SLC24A2: variants seen among roughly 807,000 people sequenced by gnomAD.
SLC24A2 encodes the protein sodium/potassium/calcium exchanger 2.
In SLC24A2, 36 loss-of-function variants were observed where a neutral mutation model predicts 62.0. The observed-to-expected ratio is 0.58, with a 90% CI of 0.44 to 0.77. The LOEUF (loss-of-function observed/expected upper bound fraction) is 0.77, where lower values mean the gene tolerates loss of function less well. Among genes scored for constraint, SLC24A2 ranks in the 30% least tolerant of loss-of-function variants. SLC24A2 has a pLI of 0.00. For synonymous variants in SLC24A2, 358 were observed against 294.0 expected (o/e 1.22, Z -2.23); for missense variants, 846 against 817.9 (o/e 1.03, Z -0.42).
the SLC24A2 span, among the ~76,000 whole-genome samples, chr9:20,190,535 A>G: frequency 2.0e-5 from 3 of 152,170 alleles, no homozygotes; most frequent in Non-Finnish European, 4.4e-5. Context: ...ATTTATACTC[A>G]TAACTCTCTG....
chr9:20,138,200 A>C, the SLC24A2 span, among the ~76,000 whole-genome samples: 1 of 152,320 alleles, frequency 6.6e-6, no homozygotes, highest in South Asian at 2.1e-4. Flanking sequence ...GGCTGGTAAA[A>C]CTAGGCTTCA....
intron 2 of SLC24A2, among the ~76,000 whole-genome samples, chr9:19,637,135 T>C (rs1035963065): frequency 6.6e-6 from 1 of 152,156 alleles, no homozygotes; most frequent in African/African-American, 2.4e-5. Context: ...GCCCATCCAG[T>C]TGACAGCCTG....
chr9:19,743,421 C>T (rs189147307), intron 2 of SLC24A2, among the ~76,000 whole-genome samples: 3 of 152,178 alleles, frequency 2.0e-5, no homozygotes, highest in Admixed American at 6.6e-5. Flanking sequence ...GATAATTTAC[C>T]GTACTATAAG....
At chr9:19,758,750 T>A (rs1203255681) in intron 2 of SLC24A2, among the ~76,000 whole-genome samples, 1 of 152,128 alleles carries the variant, frequency 6.6e-6, no homozygotes, top group Non-Finnish European at 1.5e-5. Flanking sequence ...TAAAGGAAGG[T>A]AATTCCTTTT....
chr9:19,880,073 AT>A, the SLC24A2 span, among the ~76,000 whole-genome samples: 1 of 152,134 alleles, frequency 6.6e-6, no homozygotes, highest in African/African-American at 2.4e-5. Context: ...GTTTTGATTT[AT>A]TTTTTCCACT....
chr9:20,298,765 T>C, the SLC24A2 span, among the ~76,000 whole-genome samples: 1 of 152,256 alleles, frequency 6.6e-6, no homozygotes, highest in Non-Finnish European at 1.5e-5. Flanking sequence ...ACTATCTTCA[T>C]TTTAGAAATG....
intron 2 of SLC24A2, among the ~76,000 whole-genome samples, chr9:19,649,639 G>A (rs1329141752): frequency 6.6e-6 from 1 of 152,186 alleles, no homozygotes; most frequent in Non-Finnish European, 1.5e-5. Context: ...TTGGTCACCA[G>A]TACTAGCATG....
chr9:20,235,005 C>T, the SLC24A2 span, among the ~76,000 whole-genome samples: 2 of 152,212 alleles, frequency 1.3e-5, no homozygotes, highest in Non-Finnish European at 2.9e-5. Context: ...AGACCCTGTT[C>T]ACCTGGGTAT....
the SLC24A2 span, among the ~76,000 whole-genome samples, chr9:19,875,019 C>CT: frequency 8.0e-6 from 1 of 125,064 alleles, no homozygotes; most frequent in East Asian, 2.2e-4. Flanking sequence ...AAAAAAAAAG[C>CT]TCAGCCAAAA....
chr9:19,820,687 T>C, the SLC24A2 span, among the ~76,000 whole-genome samples: 1 of 151,954 alleles, frequency 6.6e-6, no homozygotes, highest in Non-Finnish European at 1.5e-5. Context: ...ATTCTGTGTG[T>C]GTGTGTGTGT....
At chr9:19,628,586 A>T (rs1818094421) in intron 2 of SLC24A2, among the ~76,000 whole-genome samples, 2 of 152,196 alleles carry the variant, frequency 1.3e-5, no homozygotes, top group African/African-American at 4.8e-5. Flanking sequence ...AATAATTTTG[A>T]TATGCCAATC....
chr9:20,289,989 T>C, the SLC24A2 span, among the ~76,000 whole-genome samples: 4 of 152,158 alleles, frequency 2.6e-5, no homozygotes, highest in African/African-American at 4.8e-5. Context: ...AAATCAGGGC[T>C]GGGATGCGCA....
intron 2 of SLC24A2, among the ~76,000 whole-genome samples, chr9:19,704,092 C>T (rs976725971): frequency 1.3e-5 from 2 of 152,130 alleles, no homozygotes; most frequent in African/African-American, 4.8e-5. Flanking sequence ...AGATTTCAAC[C>T]TTTGCTACTA....
the SLC24A2 span, among the ~76,000 whole-genome samples, chr9:20,155,756 AG>A: frequency 6.6e-6 from 1 of 151,806 alleles, no homozygotes; most frequent in Admixed American, 6.6e-5. Context: ...TAAAAACCAA[AG>A]GTGAATACGT....
At chr9:19,663,319 C>T (rs1819155610) in intron 2 of SLC24A2, among the ~76,000 whole-genome samples, 2 of 152,162 alleles carry the variant, frequency 1.3e-5, no homozygotes. Flanking sequence ...GGTCCCAGTT[C>T]CCACAAAGTT....
chr9:19,591,518 T>C (rs1362688401), intron 5 of SLC24A2, among the ~76,000 whole-genome samples: 1 of 152,178 alleles, frequency 6.6e-6, no homozygotes, highest in Non-Finnish European at 1.5e-5. Context: ...TGTGACTGAG[T>C]TTTGAGCAAA....
the SLC24A2 span, among the ~76,000 whole-genome samples, chr9:20,262,469 T>C: frequency 2.2e-3 from 339 of 152,342 alleles, 1 homozygote; most frequent in Non-Finnish European, 4.1e-3. Flanking sequence ...AGGAATTCTC[T>C]GGCAGAAATT....
chr9:20,084,310 GGCTAGGGAGA>G, the SLC24A2 span, among the ~76,000 whole-genome samples: 1 of 152,150 alleles, frequency 6.6e-6, no homozygotes, highest in African/African-American at 2.4e-5. Context: ...GATTTGTCCT[GGCTAGGGAGA>G]GCCAATGGTG....
the SLC24A2 span, among the ~76,000 whole-genome samples, chr9:20,188,902 T>C: frequency 6.6e-6 from 1 of 152,162 alleles, no homozygotes; most frequent in African/African-American, 2.4e-5. Context: ...AGCTACCAAA[T>C]TTGTAGTAAT....
Sources: allele counts gnomAD v4.1 joint callset (sites outside exome capture counted in the v4.1 genomes callset), GRCh38; gene constraint gnomAD v4.1.1; transcripts MANE v1.5; gene names NCBI Gene and HGNC (gene_info 2026-07-23, HGNC 2026-07-21).